UBC: variants seen among roughly 807,000 people sequenced by gnomAD.
UBC encodes ubiquitin C.
A neutral mutation model predicts 34.7 loss-of-function variants in UBC; 8 were observed. The ratio of observed to expected loss-of-function variants is 0.23; its 90% confidence interval spans 0.14 to 0.42. UBC has a LOEUF of 0.42. UBC is among the 10% of genes least tolerant of loss of function. UBC has a pLI of 1.00. For synonymous variants in UBC, 367 were observed against 299.8 expected (o/e 1.22, Z -2.32); for missense variants, 323 against 750.3 (o/e 0.43, Z 6.65).
At chr12:124,914,100 G>A (rs1364047813) in intron 1 of UBC, 1 of 370,810 alleles carries the variant, frequency 2.7e-6, no homozygotes, top group Admixed American at 4.4e-5. Flanking sequence ...CTACCGGCAG[G>A]TGGCCCCACC....
rs377697654 is a variant in UBC, at chr12:124,911,858, G to A, written c.1914C>T (p.Ile638=). 106 of 1,610,740 alleles carry A rather than the reference G, an allele frequency of 6.6e-5. No individual in the cohort carries two copies. Among genetic ancestry groups the A allele is most frequent in the Non-Finnish European group, 8.4e-5 (99 of 1,178,502 alleles). Residue 638 remains isoleucine (I), a synonymous_variant, in exon 2 of 2, where the codon ATC becomes ATT. Coordinates refer to ENST00000339647, the MANE Select transcript of UBC (RefSeq NM_021009.7). ...CAGGAGGGATGCCTTCCTTATCTTG[G>A]ATCTTTGCCTTGACATTCTCGATGG... ...SDTIENVKAK[I]QDKEGIPPDQ...
intron 1 of UBC, 128 bp from the exon 2 acceptor site, chr12:124,913,902 C>T: frequency 2.1e-6 from 3 of 1,416,158 alleles, no homozygotes; most frequent in Non-Finnish European, 2.9e-6. Flanking sequence ...ACACACTCGC[C>T]AACCCCGAGC....
rs574079364 is a variant in UBC at position 124,913,936 on chromosome 12, A to G, written c.-3-162T>C. ...GCGCATAGTTCAAAACCGGAGCTTC[A>G]GCTACTTAAGAAGATAGGTACATAA... On this transcript the variant is annotated intron_variant, in intron 1 of 1. Transcript: ENST00000339647. 5 of 1,110,066 alleles carry G rather than the reference A, an allele frequency of 4.5e-6. No individual in the cohort carries two copies. The African/African-American group carries it at 6.3e-5, about 14-fold the overall frequency. The allele number at this position is 1,110,066 out of a possible 1,614,324, so 68.8% of individuals were successfully genotyped here. A position where few individuals can be genotyped will look rare whatever the true frequency, so the allele number is the denominator to read the frequency against.
At chr12:124,913,899 C>G (rs976933625) in intron 1 of UBC, 125 bp from the exon 2 acceptor site, 18 of 1,435,350 alleles carry the variant, frequency 1.3e-5, no homozygotes, top group Non-Finnish European at 1.6e-5. Context: ...AAAACACACT[C>G]GCCAACCCCG....
At chr12:124,914,155 G>A (rs1034253492) in intron 1 of UBC, 10 of 251,774 alleles carry the variant, frequency 4.0e-5, no homozygotes, top group Non-Finnish European at 7.0e-5. Context: ...GACACGACGA[G>A]GGCGCGCGCT....
Position 124,913,234 on chromosome 12 carries a change from C to T in UBC, c.538G>A (p.Ala180Thr), listed in dbSNP as rs1953550109. The change falls in exon 2 of 2, where the codon GCA (alanine) becomes ACA (threonine). Residue 180 changes from alanine to threonine, a missense_variant. This residue lies in a region of UBC where 202 missense variants were observed against 361.9 expected (regional missense o/e 0.56). Coordinates refer to ENST00000339647, the MANE Select transcript of UBC (RefSeq NM_021009.7). ...ATGCCTTCCTTATCTTGGATCTTTG[C>T]CTTGACATTCTCGATGGTGTCACTG... The part of the protein sequence containing the change: ...EPSDTIENVK[A>T]KIQDKEGIPP... 2.5e-6 allele frequency: 4 copies of T among 1,611,142 alleles called. No homozygotes were observed. The African/African-American group carries it at 4.0e-5, about 16-fold the overall frequency.
At chr12:124,913,796 G>A (rs200759366) in intron 1 of UBC, 22 bp from the exon 2 acceptor site, 4 of 1,612,496 alleles carry the variant, frequency 2.5e-6, no homozygotes, top group East Asian at 2.2e-5. Context: ...GCCAAAAACG[G>A]CCAGAATTTA....
Position 124,911,762 on chromosome 12 carries a change from C to T in UBC, c.2010G>A (p.Gln670=). ...GGACCAAGTGCAGAGTGGACTCTTT[C>T]TGGATGTTGTAGTCAGACAGGGTGC... ...DGRTLSDYNI[Q]KESTLHLVLR... The change falls in exon 2 of 2, where the codon CAG becomes CAA. Residue 670 remains glutamine (Q), a synonymous_variant. Coordinates refer to ENST00000339647, the MANE Select transcript of UBC (RefSeq NM_021009.7). The T allele has an allele frequency of 1.2e-6, 2 of 1,613,940 alleles. No homozygotes were observed. Among genetic ancestry groups the T allele is most frequent in the Non-Finnish European group, 1.7e-6 (2 of 1,179,858 alleles).
rs534379929 is a variant in UBC at position 124,913,337 on chromosome 12, C to G, written c.435G>C (p.Leu145=). 3 of 1,608,924 alleles carry G rather than the reference C, an allele frequency of 1.9e-6. No homozygotes were observed. The highest frequency in any genetic ancestry group is 1.1e-5 in the South Asian group (1 of 90,736). The change falls in exon 2 of 2, where the codon CTG becomes CTC. Residue 145 remains leucine, a synonymous_variant. Coordinates refer to ENST00000339647, the MANE Select transcript of UBC (RefSeq NM_021009.7). ...GCATCCCACCTCTGAGACGGAGCACCAGGTGCAGGGTAGACTCTTTCTGGA... is the reference window on the plus strand; with the variant it reads ...GCATCCCACCTCTGAGACGGAGCACGAGGTGCAGGGTAGACTCTTTCTGGA... ...YNIQKESTLH[L]VLRLRGGMQI...
chr12:124,913,361 G>A lies in UBC; in HGVS notation c.411C>T (p.Ile137=), dbSNP rs1243046698. Residue 137 remains isoleucine, a synonymous_variant, in exon 2 of 2, where the codon ATC becomes ATT. Transcript: ENST00000339647. The stretch of plus-strand genomic sequence containing the variant: ...CCAGGTGCAGGGTAGACTCTTTCTG[G>A]ATGTTGTAGTCAGACAGGGTGCGCC... ...EDGRTLSDYN[I]QKESTLHLVL... 6.2e-6 allele frequency: 10 copies of A among 1,607,946 alleles called. No homozygotes were observed. In the Admixed American group the frequency reaches 1.2e-4, roughly 19 times the overall value.
chr12:124,914,145 G>T (rs915382628), intron 1 of UBC: 5 of 261,990 alleles, frequency 1.9e-5, no homozygotes, highest in Non-Finnish European at 3.0e-5. Flanking sequence ...GTGACGTCAC[G>T]ACACGACGAG....
At position 124,912,890 on chromosome 12, in the gene UBC, G is replaced by C. The variant is rs768175876; in HGVS notation, c.882C>G (p.Thr294=). ...CTCTGAGACGGAGCACCAGGTGCAG[G>C]GTAGACTCTTTCTGGATGTTGTAGT... ...LSDYNIQKES[T]LHLVLRLRGG... Residue 294 remains threonine, a synonymous_variant, in exon 2 of 2, where the codon ACC becomes ACG. Transcript: ENST00000339647. 3.7e-6 allele frequency: 6 copies of C among 1,608,904 alleles called. No individual in the cohort carries two copies. The Admixed American group carries it at 6.7e-5, about 18-fold the overall frequency.
chr12:124,914,304 A>T (rs1953578359), intron 1 of UBC: 1 of 169,360 alleles, frequency 5.9e-6, no homozygotes, highest in Non-Finnish European at 1.3e-5. Context: ...TCACCCGAAT[A>T]AGAGCTTTCC....
chr12:124,914,634 C>G lies in UBC; in HGVS notation c.-51G>C, dbSNP rs927206320. On this transcript the variant is annotated 5_prime_UTR_variant, in exon 1 of 2. Transcript: ENST00000339647. ...ACAAACAAGAACTGCGACCCAAATC[C>G]CGGCTGCGACGGAACTAGCTGTGCC... 2.0e-5 allele frequency: 3 copies of G among 152,386 alleles called. No individual in the cohort carries two copies. Among genetic ancestry groups the G allele is most frequent in the Admixed American group, 6.5e-5 (1 of 15,284 alleles). 9.4% of individuals were successfully genotyped at this position (152,386 alleles called of 1,614,324 possible). A position where few individuals can be genotyped will look rare whatever the true frequency, so the allele number is the denominator to read the frequency against.
chr12:124,913,047 G>A lies in UBC; in HGVS notation c.725C>T (p.Thr242Ile). 2 of 1,610,970 alleles carry A rather than the reference G, an allele frequency of 1.2e-6. No individual in the cohort carries two copies. The highest frequency in any genetic ancestry group is 1.1e-5 in the South Asian group (1 of 90,846). Residue 242 changes from threonine (T) to isoleucine (I), a missense_variant, in exon 2 of 2, where the codon ACC (threonine) becomes ATC (isoleucine). Thr to Ile is a moderately conservative substitution (Grantham distance 89). Around this residue, in one of 5 missense-constraint regions of UBC, gnomAD observed 202 missense variants for 361.9 expected, o/e 0.56. Coordinates refer to ENST00000339647, the MANE Select transcript of UBC (RefSeq NM_021009.7). ...AGTGTCACTGGGCTCGACCTCAAGGGTGATGGTCTTGCCAGTGAGTGTCTT... is the reference window on the plus strand; with the variant it reads ...AGTGTCACTGGGCTCGACCTCAAGGATGATGGTCTTGCCAGTGAGTGTCTT... ...FVKTLTGKTI[T>I]LEVEPSDTIE...
In UBC at chr12:124,912,980, A is replaced by G. The variant is rs576726865; in HGVS notation, c.792T>C (p.Ile264=). 1.9e-4 allele frequency: 298 copies of G among 1,597,560 alleles called. 1 individual carries two copies. The highest frequency in any genetic ancestry group is 9.0e-4 in the African/African-American group (63 of 70,190). The change falls in exon 2 of 2, where the codon ATT becomes ATC. Residue 264 remains isoleucine, a synonymous_variant. Coordinates refer to ENST00000339647, the MANE Select transcript of UBC (RefSeq NM_021009.7). ...VKAKIQDKEG[I]PPDQQRLIFA... Reference sequence around the variant, plus strand: ...AGATCAACCTCTGCTGGTCAGGAGGAATGCCTTCCTTGTCTTGGATCTTTG... The same window carrying G: ...AGATCAACCTCTGCTGGTCAGGAGGGATGCCTTCCTTGTCTTGGATCTTTG...
In UBC at chr12:124,912,804, G is replaced by T. The variant is rs762204446; in HGVS notation, c.968C>A (p.Pro323Gln). 2 of 1,604,420 alleles carry T rather than the reference G, an allele frequency of 1.2e-6. No individual in the cohort carries two copies. Among genetic ancestry groups the T allele is most frequent in the South Asian group, 2.2e-5 (2 of 90,662 alleles). The change falls in exon 2 of 2, where the codon CCG (proline) becomes CAG (glutamine). Residue 323 changes from proline to glutamine, a missense_variant. By Grantham distance (76) the Pro-to-Gln change is moderately conservative (BLOSUM62 -1). Around this residue, in one of 5 missense-constraint regions of UBC, gnomAD observed 66 missense variants for 125.4 expected, o/e 0.53. Coordinates refer to ENST00000339647, the MANE Select transcript of UBC (RefSeq NM_021009.7). ...TGKTITLEVE[P>Q]SDTIENVKAK... ...CTTGACATTCTCAATGGTGTCACTC[G>T]GCTCCACTTCGAGAGTGATGGTCTT...
intron 1 of UBC, chr12:124,913,996 TC>T: frequency 1.5e-6 from 1 of 666,974 alleles, no homozygotes; most frequent in Non-Finnish European, 2.4e-6. Flanking sequence ...CACTTATCCC[TC>T]CCCTCACCAG....
In UBC at chr12:124,913,779, C is replaced by G. The variant is rs762436732; in HGVS notation, c.-3-5G>C. 1 of 1,605,792 alleles carries G rather than the reference C, an allele frequency of 6.2e-7. No individual in the cohort carries two copies. The highest frequency in any genetic ancestry group is 8.5e-7 in the Non-Finnish European group (1 of 1,176,378). On this transcript the variant is annotated splice_polypyrimidine_tract_variant and splice_region_variant and intron_variant, in intron 1 of 1. Coordinates refer to ENST00000339647, the MANE Select transcript of UBC (RefSeq NM_021009.7). ...CTTCACGAAGATCTGCATTGTCTAACAAAAAAGCCAAAAACGGCCAGAATT... is the reference window on the plus strand; with the variant it reads ...CTTCACGAAGATCTGCATTGTCTAAGAAAAAAGCCAAAAACGGCCAGAATT...
Sources: allele counts gnomAD v4.1 joint callset, GRCh38; gene constraint gnomAD v4.1.1; regional missense constraint gnomAD v4.1.1; transcripts MANE v1.5; gene names NCBI Gene and HGNC (gene_info 2026-07-23, HGNC 2026-07-21).